Variants in INSL6 observed in about 807,000 individuals in gnomAD.
The protein encoded by INSL6 is insulin-like peptide INSL6.
In INSL6, 16 loss-of-function variants were observed where a neutral mutation model predicts 9.4. That is an observed-to-expected ratio of 1.70 (90% confidence interval 1.15 to 2.59). The LOEUF (loss-of-function observed/expected upper bound fraction) is 2.59. INSL6 is among the 30% of genes most tolerant of loss of function. The pLI, the probability that INSL6 is intolerant of heterozygous loss-of-function variation, is 0.00. For synonymous variants in INSL6, 154 were observed against 96.9 expected (o/e 1.59, Z -3.46); for missense variants, 391 against 257.3 (o/e 1.52, Z -3.56).
the INSL6 span, chr9:5,054,638 G>T: frequency 1.2e-6 from 2 of 1,613,022 alleles, no homozygotes; most frequent in African/African-American, 2.7e-5. The surrounding 1 kb of genome is among the most constrained non-coding windows in gnomAD (Gnocchi z 4.9). Flanking sequence ...AGCGAATAAG[G>T]TACAGATTTC....
At chr9:5,093,279 C>G in the INSL6 span, among the ~76,000 whole-genome samples, 2 of 152,184 alleles carry the variant, frequency 1.3e-5, no homozygotes, top group Admixed American at 6.5e-5. Flanking sequence ...CTTACCCCAC[C>G]TGTTTACCAA....
At chr9:5,005,397 C>T in the INSL6 span, among the ~76,000 whole-genome samples, 9 of 151,850 alleles carry the variant, frequency 5.9e-5, no homozygotes, top group African/African-American at 2.2e-4. Flanking sequence ...ATATTTTCTC[C>T]TGTTTTATAG....
chr9:5,149,289 G>T (rs1005540085), intron 2 of INSL6, among the ~76,000 whole-genome samples: 1 of 152,154 alleles, frequency 6.6e-6, no homozygotes. Flanking sequence ...CTCAGCAACT[G>T]TATCTTTTTT....
At chr9:5,008,463 A>G in the INSL6 span, among the ~76,000 whole-genome samples, 1 of 152,216 alleles carries the variant, frequency 6.6e-6, no homozygotes, top group African/African-American at 2.4e-5. Context: ...AGGAGAAAGT[A>G]TGAGATAGTT....
At chr9:5,151,729 C>A (rs797008673) in intron 2 of INSL6, among the ~76,000 whole-genome samples, 8 of 152,030 alleles carry the variant, frequency 5.3e-5, no homozygotes, top group African/African-American at 1.9e-4. Context: ...CAAAAAAGGA[C>A]AAAATGCAAC....
At chr9:5,023,446 G>T in the INSL6 span, among the ~76,000 whole-genome samples, 10 of 152,004 alleles carry the variant, frequency 6.6e-5, no homozygotes, top group African/African-American at 2.4e-4. Context: ...GGGGAGCGTG[G>T]GACCCAGTGT....
intron 2 of INSL6, among the ~76,000 whole-genome samples, chr9:5,150,259 T>C (rs1564042204): frequency 1.6e-5 from 1 of 64,048 alleles, no homozygotes; most frequent in South Asian, 4.4e-4. Flanking sequence ...GACATAGTTA[T>C]AAACTAGAAA....
At chr9:5,183,954 G>C (rs564924735) in intron 1 of INSL6, among the ~76,000 whole-genome samples, 4 of 152,250 alleles carry the variant, frequency 2.6e-5, no homozygotes, top group African/African-American at 9.6e-5. Flanking sequence ...ACATTAAAGC[G>C]TGAGAGTCAC....
intron 3 of INSL6, among the ~76,000 whole-genome samples, chr9:5,125,321 A>G (rs948961510): frequency 6.6e-6 from 1 of 151,206 alleles, no homozygotes; most frequent in Non-Finnish European, 1.5e-5. Context: ...CTGTTTCATG[A>G]AGTATTACAG....
At chr9:5,063,825 T>C in the INSL6 span, among the ~76,000 whole-genome samples, 1 of 152,228 alleles carries the variant, frequency 6.6e-6, no homozygotes, top group African/African-American at 2.4e-5. Context: ...GTAAGTAACA[T>C]GCTGCATTTT....
At chr9:5,066,097 A>G in the INSL6 span, among the ~76,000 whole-genome samples, 16 of 152,296 alleles carry the variant, frequency 1.1e-4, no homozygotes, top group East Asian at 3.1e-3. Flanking sequence ...TATTAGAAAT[A>G]TGGTGATAAG....
intron 3 of INSL6, among the ~76,000 whole-genome samples, chr9:5,133,206 C>G (rs1211207739): frequency 6.6e-6 from 1 of 150,422 alleles, no homozygotes; most frequent in Non-Finnish European, 1.5e-5. Context: ...CTAAAATGTT[C>G]CTGGTGGGAA....
chr9:5,136,139 G>C lies in INSL6; in HGVS notation c.377-2547C>G, dbSNP rs148344985. Reference sequence around the variant, plus strand: ...AAAGTAATGAATTAATAGCCTACCAGCTAAAAAAAAGTCCAGGACCAGATG... The same window carrying C: ...AAAGTAATGAATTAATAGCCTACCACCTAAAAAAAAGTCCAGGACCAGATG... On this transcript the variant is annotated intron_variant, in intron 2 of 3. Coordinates refer to the INSL6 transcript ENST00000649639. 3.8e-4 allele frequency among the ~76,000 whole-genome samples: 58 copies of C among 152,048 alleles called. No individual in the cohort carries two copies. In the East Asian group the frequency reaches 7.3e-3, roughly 19 times the overall value.
the INSL6 span, among the ~76,000 whole-genome samples, chr9:5,029,076 C>T: frequency 7.2e-5 from 11 of 152,324 alleles, no homozygotes; most frequent in East Asian, 1.7e-3. Context: ...ACCTTCCTCA[C>T]TTAGTTTAAT....
intron 1 of INSL6, among the ~76,000 whole-genome samples, chr9:5,174,494 T>C (rs574969942): frequency 6.6e-6 from 1 of 152,172 alleles, no homozygotes; most frequent in Non-Finnish European, 1.5e-5. Context: ...GATATCACAC[T>C]CTCTTTTCTT....
chr9:5,131,246 T>C (rs1432775031), intron 3 of INSL6, among the ~76,000 whole-genome samples: 2 of 152,170 alleles, frequency 1.3e-5, no homozygotes, highest in Non-Finnish European at 2.9e-5. Context: ...TGAAGGCTGT[T>C]ATTACAGTGA....
At chr9:5,055,203 T>G in the INSL6 span, among the ~76,000 whole-genome samples, 5 of 152,056 alleles carry the variant, frequency 3.3e-5, no homozygotes, top group Non-Finnish European at 7.4e-5. Context: ...ATTATAAAAC[T>G]TGTTAACTAG....
At chr9:5,054,225 T>C in the INSL6 span, among the ~76,000 whole-genome samples, 1 of 152,062 alleles carries the variant, frequency 6.6e-6, no homozygotes, top group South Asian at 2.1e-4. This position sits in a 1 kb window ranked among gnomAD's most constrained non-coding sequence, Gnocchi z 4.9. Flanking sequence ...TATTATCTTA[T>C]AAACCATTAA....
chr9:5,125,973 A>AT (rs905643737), intron 3 of INSL6: 6 of 157,452 alleles, frequency 3.8e-5, no homozygotes, highest in African/African-American at 1.2e-4. Flanking sequence ...TTATTCATTC[A>AT]TTTTTTCTTA....
Sources: gnomAD v4.1 joint callset for allele counts (sites outside exome capture counted in the v4.1 genomes callset) on GRCh38, gnomAD v4.1.1 for gene constraint, Gnocchi (gnomAD v3.1) non-coding constraint, MANE v1.5 for transcripts, NCBI Gene and HGNC (gene_info 2026-07-23, HGNC 2026-07-21) for gene names.